The following OSBPL1A variants were observed in gnomAD, a reference collection of about 807,000 sequenced individuals.
The protein encoded by OSBPL1A is oxysterol-binding protein-related protein 1.
Under a neutral mutation model 137.1 loss-of-function variants are expected in OSBPL1A, and 80 were observed. That is an observed-to-expected ratio of 0.58 (90% CI 0.49 to 0.70). The LOEUF (loss-of-function observed/expected upper bound fraction) is 0.70. OSBPL1A is among the 30% of genes least tolerant of loss of function. OSBPL1A has a pLI of 0.00. For missense variants in OSBPL1A, 970 were observed against 1,129.4 expected, an observed-to-expected ratio of 0.86 and a Z score of 2.02; for synonymous variants, 365 against 389.7, an observed-to-expected ratio of 0.94 and a Z score of 0.75.
intron 16 of OSBPL1A, among the ~76,000 whole-genome samples, chr18:24,229,773 C>T (rs9304455): frequency 6.6e-6 from 1 of 151,484 alleles, no homozygotes; most frequent in East Asian, 2.0e-4. Context: ...TTTTTTGAGA[C>T]GAAGCCTCGC....
At chr18:24,184,824 AT>A (rs1298247647) in intron 18 of OSBPL1A, among the ~76,000 whole-genome samples, 1 of 151,408 alleles carries the variant, frequency 6.6e-6, no homozygotes, top group Non-Finnish European at 1.5e-5. Context: ...CCCACCCTGC[AT>A]TCTCACTGCC....
chr18:24,356,180 GAA>G (rs113351753), intron 4 of OSBPL1A, among the ~76,000 whole-genome samples: 50,658 of 149,062 alleles, frequency 0.34, 9,013 homozygotes, highest in East Asian at 0.53. Flanking sequence ...CATCTCAAAA[GAA>G]AAAAAAAAAA....
intron 17 of OSBPL1A, among the ~76,000 whole-genome samples, chr18:24,214,254 G>A (rs772457951): frequency 6.7e-6 from 1 of 149,670 alleles, no homozygotes; most frequent in African/African-American, 2.5e-5. Flanking sequence ...TAAAGGAAAC[G>A]GTCTGAACAA....
intron 11 of OSBPL1A, among the ~76,000 whole-genome samples, chr18:24,315,226 C>T (rs2090696647): frequency 1.3e-5 from 2 of 152,138 alleles, no homozygotes; most frequent in Admixed American, 6.6e-5. Context: ...GCAGCAAGGG[C>T]ACATGTGGCA....
At chr18:24,170,879 T>C (rs527820206) in intron 23 of OSBPL1A, among the ~76,000 whole-genome samples, 1 of 152,094 alleles carries the variant, frequency 6.6e-6, no homozygotes, top group South Asian at 2.1e-4. Context: ...TCGAACTGGC[T>C]GCAAGCAATC....
chr18:24,312,800 C>CA (rs1487999865), intron 12 of OSBPL1A, among the ~76,000 whole-genome samples: 5 of 151,980 alleles, frequency 3.3e-5, no homozygotes, highest in African/African-American at 1.2e-4. Flanking sequence ...CATAGTTTAC[C>CA]AAAAAATCAA....
Position 24,373,020 on chromosome 18 carries a change from T to C in OSBPL1A, c.121+4393A>G, listed in dbSNP as rs1905789775. On this transcript the variant is annotated intron_variant, in intron 2 of 27. Transcript: ENST00000319481. ...AGGTGGAGGTTGCAGTGAGCCAAGA[T>C]TGCACCCTGCACTCCAGCCTGGGCA... is the stretch of plus-strand genomic sequence containing the variant. 7.2e-5 allele frequency among the ~76,000 whole-genome samples: 11 copies of C among 152,030 alleles called. 1 individual carries two copies. The South Asian group carries it at 2.3e-3, about 32-fold the overall frequency.
At chr18:24,195,304 GAA>G (rs1304823311) in intron 18 of OSBPL1A, among the ~76,000 whole-genome samples, 1 of 151,842 alleles carries the variant, frequency 6.6e-6, no homozygotes, top group African/African-American at 2.4e-5. Flanking sequence ...TCAAAAAAAT[GAA>G]AAGAAATGAA....
intron 4 of OSBPL1A, among the ~76,000 whole-genome samples, chr18:24,364,613 T>C (rs932907075): frequency 1.3e-5 from 2 of 151,438 alleles, no homozygotes; most frequent in Non-Finnish European, 2.9e-5. Context: ...AATTTTTTTT[T>C]AATTTTTTTT....
intron 4 of OSBPL1A, among the ~76,000 whole-genome samples, chr18:24,346,498 C>T (rs1054500485): frequency 6.6e-6 from 1 of 152,146 alleles, no homozygotes; most frequent in Non-Finnish European, 1.5e-5. Flanking sequence ...CCCCTAGTAA[C>T]CACTAATCTA....
chr18:24,248,402 C>T (rs1287440423), intron 15 of OSBPL1A, among the ~76,000 whole-genome samples: 1 of 152,190 alleles, frequency 6.6e-6, no homozygotes, highest in Non-Finnish European at 1.5e-5. Flanking sequence ...TTATAGCTGA[C>T]TGTGATTGGC....
At chr18:24,332,863 A>G (rs576627805) in intron 7 of OSBPL1A, 79 bp downstream of exon 7, 1 of 1,541,412 alleles carries the variant, frequency 6.5e-7, no homozygotes, top group South Asian at 1.2e-5. Context: ...TGGATACTGA[A>G]ACAAAACAAT....
intron 18 of OSBPL1A, among the ~76,000 whole-genome samples, chr18:24,194,023 G>A (rs1415840740): frequency 6.6e-6 from 1 of 152,174 alleles, no homozygotes; most frequent in Non-Finnish European, 1.5e-5. Flanking sequence ...CGATTTGGAC[G>A]TAAACTAGAC....
chr18:24,164,420 G>GGTTTT lies in OSBPL1A; in HGVS notation c.2750+644_2750+645insAAAAC, dbSNP rs199563115. ...ATGGAAAACAGTATGGAGATTTTTG[G>GGTTTT]TTTTTTTTTTTTTTTTTTTTTTTTT... On this transcript the variant is annotated intron_variant, in intron 27 of 27. Coordinates refer to ENST00000319481, the MANE Select transcript of OSBPL1A (RefSeq NM_080597.4). 3.1e-4 allele frequency among the ~76,000 whole-genome samples: 30 copies of GGTTTT among 95,972 alleles called. 7 individuals are homozygous for GGTTTT. The highest frequency in any genetic ancestry group is 1.5e-4 in the Non-Finnish European group (8 of 52,488). The allele number at this position is 95,972 out of a possible 152,430, so 63.0% of individuals were successfully genotyped here.
chr18:24,269,883 C>CACACACACACAT (rs971952711), intron 15 of OSBPL1A, among the ~76,000 whole-genome samples: 3 of 151,680 alleles, frequency 2.0e-5, no homozygotes, highest in African/African-American at 7.3e-5. Flanking sequence ...CACACACACA[C>CACACACACACAT]ACCATGCTAA....
intron 21 of OSBPL1A, 66 bp downstream of exon 21, chr18:24,177,947 G>C (rs1190699756): frequency 6.9e-6 from 10 of 1,446,484 alleles, no homozygotes; most frequent in Non-Finnish European, 9.6e-6. Context: ...GGTCAGCTGA[G>C]TGTGCATGTC....
chr18:24,397,472 A>G (rs1159997283), intron 1 of OSBPL1A, 183 bp downstream of exon 1: 1 of 152,250 alleles, frequency 6.6e-6, no homozygotes. Flanking sequence ...GCCGCCGGGA[A>G]GCCGAGCTCG....
rs868137798 is a variant in OSBPL1A, at chr18:24,359,962, T to G, written c.282+6930A>C. Among the ~76,000 whole-genome samples the G allele has an allele frequency of 3.3e-5, 5 of 152,118 alleles. No individual in the cohort carries two copies. In the Middle Eastern group the frequency reaches 0.01, roughly 310 times the overall value. Reference sequence around the variant, plus strand: ...CAAGAGCTGGGGAACTGCATGATTTTTTTGTTTGTTCTGTTTTTGTTTGAG... The same window carrying G: ...CAAGAGCTGGGGAACTGCATGATTTGTTTGTTTGTTCTGTTTTTGTTTGAG... On this transcript the variant is annotated intron_variant, in intron 4 of 27. Coordinates refer to ENST00000319481, the MANE Select transcript of OSBPL1A (RefSeq NM_080597.4).
chr18:24,252,953 G>A (rs767722973), intron 15 of OSBPL1A, among the ~76,000 whole-genome samples: 1 of 151,074 alleles, frequency 6.6e-6, no homozygotes, highest in South Asian at 2.1e-4. Flanking sequence ...GCCTCAAATC[G>A]AAAAACATAC....
Sources: allele counts gnomAD v4.1 joint callset (sites outside exome capture counted in the v4.1 genomes callset), GRCh38; gene constraint gnomAD v4.1.1; transcripts MANE v1.5; gene names NCBI Gene and HGNC (gene_info 2026-07-23, HGNC 2026-07-21).